RPTOR: variants seen among roughly 807,000 people sequenced by gnomAD.
RPTOR encodes regulatory-associated protein of mTOR.
RPTOR carries 21 observed loss-of-function variants against 169.9 expected under a neutral mutation model. That is an observed-to-expected ratio of 0.12 (90% CI 0.09 to 0.18). The LOEUF is 0.18. Ranked by LOEUF, RPTOR falls within the 10% of genes least tolerant of loss-of-function variation. The probability of loss-of-function intolerance (pLI) is 1.00; values close to 1 mark genes in which losing one functional copy is unlikely to be tolerated. For missense variants in RPTOR, 1,133 were observed against 1,855.9 expected (o/e 0.61, Z 7.16); for synonymous variants, 732 against 753.2 (o/e 0.97, Z 0.46).
intron 13 of RPTOR, among the ~76,000 whole-genome samples, chr17:80,862,367 C>G (rs999809720): frequency 2.6e-5 from 4 of 152,104 alleles, no homozygotes; most frequent in African/African-American, 9.7e-5. Context: ...CGATAACTTC[C>G]CAGAGATGAA....
At chr17:80,797,863 CAT>C (rs1426478300) in intron 7 of RPTOR, among the ~76,000 whole-genome samples, 2 of 152,194 alleles carry the variant, frequency 1.3e-5, no homozygotes, top group African/African-American at 4.8e-5. Context: ...GTCCCACCAA[CAT>C]ATGTTAACTC....
At chr17:80,657,268 C>T (rs1005322646) in intron 3 of RPTOR, among the ~76,000 whole-genome samples, 2 of 152,178 alleles carry the variant, frequency 1.3e-5, no homozygotes, top group African/African-American at 2.4e-5. Flanking sequence ...CAGAAGCAAG[C>T]TCCAGAAAAG....
chr17:80,930,384 A>ATCCTCAT (rs2068874968), intron 24 of RPTOR, among the ~76,000 whole-genome samples: 1 of 8,632 alleles, frequency 1.2e-4, no homozygotes, highest in African/African-American at 5.0e-4. Context: ...TCCCCAGCTC[A>ATCCTCAT]GCTCAGCTCA....
intron 6 of RPTOR, among the ~76,000 whole-genome samples, chr17:80,768,424 C>T (rs961725144): frequency 3.9e-5 from 6 of 152,178 alleles, no homozygotes; most frequent in African/African-American, 1.4e-4. Context: ...ATCCTTTTAA[C>T]ATAAAAGGAG....
chr17:80,565,317 G>A (rs1404858523), intron 1 of RPTOR, among the ~76,000 whole-genome samples: 1 of 152,180 alleles, frequency 6.6e-6, no homozygotes, highest in African/African-American at 2.4e-5. Context: ...ACTTTGTGAG[G>A]TTTGGTGGAA....
intron 5 of RPTOR, among the ~76,000 whole-genome samples, chr17:80,741,646 A>G (rs1229144434): frequency 6.6e-6 from 1 of 152,140 alleles, no homozygotes; most frequent in African/African-American, 2.4e-5. Context: ...CATCTCCTGT[A>G]AATTAGGAAG....
At chr17:80,945,815 C>G in intron 26 of RPTOR, 34 bp downstream of exon 26, 1 of 1,333,914 alleles carries the variant, frequency 7.5e-7, no homozygotes, top group Non-Finnish European at 1.0e-6. Context: ...TCCCTTCCGG[C>G]TGACCGACAG....
chr17:80,556,776 C>T (rs1451114736), intron 1 of RPTOR, among the ~76,000 whole-genome samples: 10 of 116,916 alleles, frequency 8.6e-5, no homozygotes, highest in Non-Finnish European at 1.4e-4. Flanking sequence ...AGACCATCTA[C>T]CCAGATTAAA....
At position 80,730,188 on chromosome 17, in the gene RPTOR, C is replaced by A. The variant is rs970042656; in HGVS notation, c.508-372C>A. On this transcript the variant is annotated intron_variant, in intron 4 of 33. Transcript: ENST00000306801. This position sits in a 1 kb window ranked among gnomAD's most constrained non-coding sequence, Gnocchi z 4.2. The stretch of plus-strand genomic sequence containing the variant: ...GTGGCGCAATCTTGGCTCACTGTAA[C>A]CTTCGCCTCCCGGGTTCAGGTGATT... Among the ~76,000 whole-genome samples the A allele has an allele frequency of 6.6e-6, 1 of 152,106 alleles. No individual in the cohort carries two copies. The highest frequency in any genetic ancestry group is 6.5e-5 in the Admixed American group (1 of 15,274).
intron 7 of RPTOR, among the ~76,000 whole-genome samples, chr17:80,814,492 T>C (rs951567936): frequency 7.9e-5 from 12 of 152,186 alleles, no homozygotes; most frequent in African/African-American, 2.9e-4. Context: ...GGATGATTTG[T>C]ATTATCTTGT....
chr17:80,825,143 G>A (rs996605708), intron 9 of RPTOR, among the ~76,000 whole-genome samples: 2 of 149,432 alleles, frequency 1.3e-5, no homozygotes, highest in East Asian at 2.0e-4. Flanking sequence ...TAGAGGCCAC[G>A]TGGCGAGGCC....
intron 28 of RPTOR, among the ~76,000 whole-genome samples, chr17:80,952,788 G>A (rs574247512): frequency 4.2e-4 from 63 of 150,672 alleles, no homozygotes; most frequent in Non-Finnish European, 7.5e-4. Flanking sequence ...TGCCCCCCAA[G>A]TGACCATGCA....
At chr17:80,648,737 G>A (rs764516444) in intron 3 of RPTOR, among the ~76,000 whole-genome samples, 2 of 152,042 alleles carry the variant, frequency 1.3e-5, no homozygotes, top group Non-Finnish European at 2.9e-5. Context: ...TTTATAGATG[G>A]ATGCTGATAT....
intron 1 of RPTOR, among the ~76,000 whole-genome samples, chr17:80,598,861 A>G (rs1318513803): frequency 6.6e-6 from 1 of 150,514 alleles, no homozygotes; most frequent in African/African-American, 2.5e-5. Context: ...TTGCTTATTG[A>G]CCTTAAACTT....
At chr17:80,700,353 A>G (rs950232155) in intron 3 of RPTOR, among the ~76,000 whole-genome samples, 5 of 144,424 alleles carry the variant, frequency 3.5e-5, no homozygotes, top group East Asian at 1.9e-4. Context: ...AGTTACTCCA[A>G]TGATCTAAGA....
intron 20 of RPTOR, among the ~76,000 whole-genome samples, chr17:80,898,731 A>T (rs531201000): frequency 1.6e-5 from 2 of 122,316 alleles, no homozygotes; most frequent in Non-Finnish European, 3.4e-5. Context: ...TGCTCACCCA[A>T]CCCCTGCTCA....
At chr17:80,748,517 G>A (rs2066600118) in intron 5 of RPTOR, among the ~76,000 whole-genome samples, 1 of 119,940 alleles carries the variant, frequency 8.3e-6, no homozygotes, top group African/African-American at 3.6e-5. Flanking sequence ...GGACTGCGGT[G>A]TGTGTTTAGA....
intron 2 of RPTOR, among the ~76,000 whole-genome samples, 192 bp downstream of exon 2, chr17:80,625,985 A>G (rs960655709): frequency 1.3e-5 from 2 of 152,146 alleles, no homozygotes; most frequent in African/African-American, 4.8e-5. Context: ...TAGTGGAGAG[A>G]GTGTTTCCAG....
chr17:80,852,736 T>C (rs2067806678), intron 11 of RPTOR, among the ~76,000 whole-genome samples: 1 of 151,894 alleles, frequency 6.6e-6, no homozygotes, highest in Non-Finnish European at 1.5e-5. Context: ...CTCCTGCCAG[T>C]GCTCTTCTCC....
Sources: allele counts gnomAD v4.1 joint callset (sites outside exome capture counted in the v4.1 genomes callset), GRCh38; gene constraint gnomAD v4.1.1; non-coding constraint Gnocchi (gnomAD v3.1); transcripts MANE v1.5; gene names NCBI Gene and HGNC (gene_info 2026-07-23, HGNC 2026-07-21).